The following NTN4 variants were observed in gnomAD, a reference collection of about 807,000 sequenced individuals.
The protein encoded by NTN4 is netrin-4.
A neutral mutation model predicts 73.6 loss-of-function variants in NTN4; 32 were observed. The ratio of observed to expected loss-of-function variants is 0.44; its 90% CI spans 0.33 to 0.58. The LOEUF (loss-of-function observed/expected upper bound fraction) is 0.58, where lower values mean the gene tolerates loss of function less well. Ranked by LOEUF, NTN4 falls within the 20% of genes least tolerant of loss-of-function variation. The pLI is 0.04. For missense variants in NTN4, 654 were observed against 798.3 expected, an observed-to-expected ratio of 0.82 and a Z score of 2.18; for synonymous variants, 258 against 287.5, an observed-to-expected ratio of 0.90 and a Z score of 1.04.
chr12:95,666,122 A>C, intron 8 of NTN4, 142 bp from the exon 9 acceptor site: 1 of 641,254 alleles, frequency 1.6e-6, no homozygotes, highest in Non-Finnish European at 2.6e-6. Context: ...ATCATTAGGC[A>C]TTAACTTGGA....
chr12:95,737,910 C>G lies in NTN4; in HGVS notation c.820G>C (p.Val274Leu), dbSNP rs144288390. ...GCCTTGACAGGTCTGAAGCCATGAA[C>G]AGGTATGCATTGATCAGCGTGGCCA... ...CNGHADQCIP[V>L]HGFRPVKAPG... The change falls in exon 3 of 10, where the codon GTT (valine) becomes CTT (leucine). Residue 274 changes from valine to leucine, a missense_variant. Coordinates refer to ENST00000343702, the MANE Select transcript of NTN4 (RefSeq NM_021229.4). 6.2e-7 allele frequency: 1 copy of G among 1,613,978 alleles called. No individual in the cohort carries two copies. Among genetic ancestry groups the G allele is most frequent in the African/African-American group, 1.3e-5 (1 of 75,044 alleles).
chr12:95,716,583 A>G (rs1404883062), intron 3 of NTN4, among the ~76,000 whole-genome samples: 1 of 151,832 alleles, frequency 6.6e-6, no homozygotes, highest in East Asian at 1.9e-4. Flanking sequence ...TCTCTCTCCT[A>G]TCTTGCCTGT....
At chr12:95,692,625 G>A (rs750766211) in intron 5 of NTN4, among the ~76,000 whole-genome samples, 10 of 152,232 alleles carry the variant, frequency 6.6e-5, no homozygotes, top group Non-Finnish European at 1.3e-4. Flanking sequence ...TTAATGAAAC[G>A]ATGGATGGGC....
At chr12:95,665,682 G>A (rs2078173821) in intron 9 of NTN4, 128 bp downstream of exon 9, 3 of 623,266 alleles carry the variant, frequency 4.8e-6, no homozygotes, top group Non-Finnish European at 8.1e-6. Context: ...ATTTTCCGCA[G>A]GAGTCAGATG....
intron 2 of NTN4, among the ~76,000 whole-genome samples, chr12:95,753,240 C>T (rs919202363): frequency 6.6e-6 from 1 of 151,844 alleles, no homozygotes; most frequent in African/African-American, 2.4e-5. Flanking sequence ...CTCTCATTTC[C>T]TTTCCATTGT....
At chr12:95,684,795 G>A (rs1353221507) in intron 5 of NTN4, among the ~76,000 whole-genome samples, 1 of 152,202 alleles carries the variant, frequency 6.6e-6, no homozygotes, top group Non-Finnish European at 1.5e-5. Flanking sequence ...ATATGTATGT[G>A]TGAAATGTGC....
rs199956955 is a variant in NTN4 at position 95,787,424 on chromosome 12, A to G, written c.100T>C (p.Cys34Arg). Reference sequence around the variant, plus strand: ...GCCAAATTTCCCATCCGAGGGTTGCAGGCTTTTTCACAGCGGGAACTCACT... The same window carrying G: ...GCCAAATTTCCCATCCGAGGGTTGCGGGCTTTTTCACAGCGGGAACTCACT... ...AGVSSRCEKA[C>R]NPRMGNLALG... The change falls in exon 2 of 10, where the codon TGC becomes CGC. Residue 34 changes from cysteine to arginine, a missense_variant. Transcript: ENST00000343702. 161 of 1,614,102 alleles carry G rather than the reference A, an allele frequency of 1.0e-4. No individual in the cohort carries two copies. The highest frequency in any genetic ancestry group is 7.0e-4 in the Admixed American group (42 of 60,004).
chr12:95,693,052 T>C (rs893318072), intron 5 of NTN4, among the ~76,000 whole-genome samples: 2 of 152,094 alleles, frequency 1.3e-5, no homozygotes, highest in African/African-American at 2.4e-5. Flanking sequence ...CGTATAAAAA[T>C]GCTCACCACT....
chr12:95,738,096 T>C lies in NTN4; in HGVS notation c.634A>G (p.Ser212Gly), dbSNP rs753868278. ...TTCAGCTGCTCCTGAACTTTGGCAC[T>C]GTAAGGGTTCTCTGTATCGTATGGT... is the stretch of plus-strand genomic sequence containing the variant. ...SPPYDTENPY[S>G]AKVQEQLKIT... Residue 212 changes from serine to glycine, a missense_variant, in exon 3 of 10, where the codon AGT becomes GGT. Physicochemically the swap from Ser to Gly is moderately conservative, Grantham distance 56 (BLOSUM62 0). Coordinates refer to ENST00000343702, the MANE Select transcript of NTN4 (RefSeq NM_021229.4). 1.2e-6 allele frequency: 2 copies of C among 1,614,128 alleles called. No individual in the cohort carries two copies. Among genetic ancestry groups the C allele is most frequent in the East Asian group, 2.2e-5 (1 of 44,888 alleles).
intron 2 of NTN4, among the ~76,000 whole-genome samples, chr12:95,748,332 T>A (rs961287843): frequency 2.0e-5 from 3 of 151,890 alleles, no homozygotes; most frequent in Admixed American, 1.3e-4. Context: ...TGAAAAAGTA[T>A]TAAATATTTG....
chr12:95,716,333 G>A (rs1434314037), intron 3 of NTN4, among the ~76,000 whole-genome samples: 5 of 152,076 alleles, frequency 3.3e-5, no homozygotes, highest in African/African-American at 1.2e-4. Context: ...AGGGAGCAAA[G>A]ACAAGAATAT....
chr12:95,744,858 T>C (rs1230066011), intron 2 of NTN4, among the ~76,000 whole-genome samples: 2 of 150,986 alleles, frequency 1.3e-5, no homozygotes, highest in African/African-American at 4.9e-5. Context: ...TTTTGGCTTC[T>C]TTATGTCTGA....
intron 2 of NTN4, among the ~76,000 whole-genome samples, chr12:95,759,976 G>A (rs11108238): frequency 6.6e-6 from 1 of 151,838 alleles, no homozygotes; most frequent in African/African-American, 2.4e-5. Context: ...TTTTCTTTTG[G>A]TTAGGAGTCA....
chr12:95,785,844 C>A, intron 2 of NTN4, among the ~76,000 whole-genome samples: 1 of 152,268 alleles, frequency 6.6e-6, no homozygotes, highest in Non-Finnish European at 1.5e-5. Flanking sequence ...TGGATATATG[C>A]CTAATCGTCC....
intron 8 of NTN4, among the ~76,000 whole-genome samples, chr12:95,666,739 T>C (rs1322487128): frequency 2.0e-5 from 3 of 152,228 alleles, no homozygotes; most frequent in Non-Finnish European, 4.4e-5. Flanking sequence ...AAAATGCTAC[T>C]CCTAGAATAT....
At chr12:95,775,522 C>A (rs2079085606) in intron 2 of NTN4, among the ~76,000 whole-genome samples, 1 of 152,250 alleles carries the variant, frequency 6.6e-6, no homozygotes, top group African/African-American at 2.4e-5. Context: ...AAACGGCACA[C>A]CAGGAGATTA....
chr12:95,786,858 G>A (rs2079170766), intron 2 of NTN4, 81 bp downstream of exon 2: 1 of 1,091,160 alleles, frequency 9.2e-7, no homozygotes, highest in Non-Finnish European at 1.3e-6. Context: ...TACAAGTATA[G>A]CTTCATGCTT....
At chr12:95,722,154 G>A (rs1224142846) in intron 3 of NTN4, among the ~76,000 whole-genome samples, 1 of 151,246 alleles carries the variant, frequency 6.6e-6, no homozygotes, top group African/African-American at 2.4e-5. Flanking sequence ...ATACAGCATG[G>A]CCACTTTTGT....
At chr12:95,680,387 G>A (rs755508223) in intron 7 of NTN4, among the ~76,000 whole-genome samples, 7 of 152,238 alleles carry the variant, frequency 4.6e-5, no homozygotes, top group African/African-American at 9.6e-5. Context: ...ACCATTTAAA[G>A]TGTAAGCATT....
Sources: gnomAD v4.1 joint callset for allele counts (sites outside exome capture counted in the v4.1 genomes callset) on GRCh38, gnomAD v4.1.1 for gene constraint, MANE v1.5 for transcripts, NCBI Gene and HGNC (gene_info 2026-07-23, HGNC 2026-07-21) for gene names.